The following FAM53C variants were observed in gnomAD, a reference collection of about 807,000 sequenced individuals.
FAM53C encodes family with sequence similarity 53 member C.
Under a neutral mutation model 34.7 loss-of-function variants are expected in FAM53C, and 10 were observed. That is an observed-to-expected ratio of 0.29 (90% confidence interval 0.18 to 0.49). FAM53C has a LOEUF of 0.49. FAM53C is among the 20% of genes least tolerant of loss of function. FAM53C has a pLI of 0.99. For missense variants in FAM53C, 442 were observed against 515.3 expected (o/e 0.86, Z 1.38); for synonymous variants, 203 against 203.6 (o/e 1.00, Z 0.03).
chr5:138,346,910 G>A lies in FAM53C; in HGVS notation c.1130G>A (p.Cys377Tyr), dbSNP rs778645299. Residue 377 changes from cysteine (C) to tyrosine (Y), a missense_variant, in exon 5 of 5, where the codon TGC becomes TAC. By Grantham distance (194) the Cys-to-Tyr change is radical. Transcript: ENST00000239906. ...GRQALSKRTLCQRDFGDLDLN... is the reference protein window; with the variant it reads ...GRQALSKRTLYQRDFGDLDLN... ...CAGGCGCTGAGCAAGCGGACACTGT[G>A]CCAGCGGGACTTTGGGGACCTGGAC... is the stretch of plus-strand genomic sequence containing the variant. 2.5e-6 allele frequency: 4 copies of A among 1,614,186 alleles called. No homozygotes were observed. Among genetic ancestry groups the A allele is most frequent in the Non-Finnish European group, 3.4e-6 (4 of 1,180,038 alleles).
intron 4 of FAM53C, among the ~76,000 whole-genome samples, chr5:138,346,377 G>A (rs1352320116): frequency 2.0e-5 from 3 of 152,242 alleles, no homozygotes; most frequent in African/African-American, 7.2e-5. Context: ...TGTAATCCCA[G>A]CACTTTGGGA....
intron 3 of FAM53C, chr5:138,343,821 G>A (rs1474573409): frequency 6.6e-6 from 1 of 152,218 alleles, no homozygotes; most frequent in African/African-American, 2.4e-5. Context: ...TGAAAGCCAG[G>A]TATTGTGTCA....
In FAM53C at chr5:138,345,612, G is replaced by A. The variant is rs1298181493; in HGVS notation, c.921+3G>A. On this transcript the variant is annotated splice_donor_region_variant and intron_variant, in intron 4 of 4. Coordinates refer to ENST00000239906, the MANE Select transcript of FAM53C (RefSeq NM_016605.3). The surrounding 1 kb of genome is among the most constrained non-coding windows in gnomAD (Gnocchi z 6.3). ...TGGACTTTGACAAGATGAATCAGGT[G>A]GGACCAGCAAGACTAGGGGAGCTTA... 6.2e-6 allele frequency: 10 copies of A among 1,608,382 alleles called. No homozygotes were observed. The highest frequency in any genetic ancestry group is 8.5e-6 in the Non-Finnish European group (10 of 1,176,870).
At chr5:138,343,973 C>T (rs1333332396) in intron 3 of FAM53C, among the ~76,000 whole-genome samples, 1 of 152,182 alleles carries the variant, frequency 6.6e-6, no homozygotes, top group Admixed American at 6.5e-5. Flanking sequence ...AATATCCAGC[C>T]CCTGCAGAAT....
At position 138,345,024 on chromosome 5, in the gene FAM53C, T is replaced by G; in HGVS notation, c.336T>G (p.Pro112=). The G allele has an allele frequency of 6.2e-7, 1 of 1,612,936 alleles. No homozygotes were observed. Among genetic ancestry groups the G allele is most frequent in the Non-Finnish European group, 8.5e-7 (1 of 1,179,570 alleles). ...AGAAGCTTCCTGTGCCCCCTGCCCC[T>G]CCATCCAAGAGGCACTGCCGCTCAC... ...DPEKLPVPPA[P]PSKRHCRSLS... is the part of the protein sequence containing the mutation. Residue 112 remains proline (P), a synonymous_variant, in exon 4 of 5, where the codon CCT becomes CCG. Transcript: ENST00000239906. This position sits in a 1 kb window ranked among gnomAD's most constrained non-coding sequence, Gnocchi z 6.3.
rs1172036558 is a variant in FAM53C at position 138,347,165 on chromosome 5, A to T, written c.*206A>T. On this transcript the variant is annotated 3_prime_UTR_variant, in exon 5 of 5. Transcript: ENST00000239906. ...CAAGATAAACGGAGCTGGTGGCGGGAGGGACAGCCCCAGAGCAGACCCTTC... is the reference window on the plus strand; with the variant it reads ...CAAGATAAACGGAGCTGGTGGCGGGTGGGACAGCCCCAGAGCAGACCCTTC... The T allele has an allele frequency of 1.4e-6, 1 of 696,004 alleles. No individual in the cohort carries two copies. The highest frequency in any genetic ancestry group is 1.8e-5 in the African/African-American group (1 of 55,614). The allele number at this position is 696,004 out of a possible 1,614,324, so 43.1% of individuals were successfully genotyped here. A position where few individuals can be genotyped will look rare whatever the true frequency, so the allele number is the denominator to read the frequency against.
In FAM53C at chr5:138,347,352, C is replaced by T. The variant is rs1193530710; in HGVS notation, c.*393C>T. The T allele has an allele frequency of 1.1e-5, 3 of 279,528 alleles. No homozygotes were observed. The highest frequency in any genetic ancestry group is 4.5e-5 in the African/African-American group (2 of 44,216). The allele number at this position is 279,528 out of a possible 1,614,324, so 17.3% of individuals were successfully genotyped here. ...CAGGGTGGGGGGTTGAGTCAGCCTC[C>T]TCAGAGAAACTGCGTGAGAGTGTGT... On this transcript the variant is annotated 3_prime_UTR_variant, in exon 5 of 5. Coordinates refer to ENST00000239906, the MANE Select transcript of FAM53C (RefSeq NM_016605.3).
intron 4 of FAM53C, among the ~76,000 whole-genome samples, chr5:138,346,275 C>G (rs559844707): frequency 1.3e-5 from 2 of 152,328 alleles, no homozygotes; most frequent in East Asian, 3.9e-4. Context: ...TGTTCCTGCC[C>G]TCACGGAGCT....
rs868436397 is a variant in FAM53C, at chr5:138,345,952, C to A, written c.921+343C>A. Reference sequence around the variant, plus strand: ...CTGCAAAAAATTCCATCAGTACCTACTCCTTGTGCCCAAAGCTGTTTTTGC... The same window carrying A: ...CTGCAAAAAATTCCATCAGTACCTAATCCTTGTGCCCAAAGCTGTTTTTGC... On this transcript the variant is annotated intron_variant, in intron 4 of 4. Transcript: ENST00000239906. This position sits in a 1 kb window ranked among gnomAD's most constrained non-coding sequence, Gnocchi z 6.3. 6.6e-6 allele frequency among the ~76,000 whole-genome samples: 1 copy of A among 152,246 alleles called. No individual in the cohort carries two copies. Among genetic ancestry groups the A allele is most frequent in the South Asian group, 2.1e-4 (1 of 4,836 alleles).
intron 3 of FAM53C, among the ~76,000 whole-genome samples, chr5:138,343,555 T>C (rs1271723403): frequency 6.6e-6 from 1 of 151,954 alleles, no homozygotes; most frequent in East Asian, 1.9e-4. Context: ...GTGAATAACC[T>C]TGTACATATG....
At chr5:138,340,723 G>T (rs1761011784) in intron 1 of FAM53C, among the ~76,000 whole-genome samples, 1 of 152,220 alleles carries the variant, frequency 6.6e-6, no homozygotes, top group African/African-American at 2.4e-5. Context: ...TATGTACTCA[G>T]GTCTAAAGCA....
At chr5:138,337,980 C>T (rs1288406901), upstream of FAM53C, 2 of 1,289,510 alleles carry the variant, frequency 1.6e-6, no homozygotes, top group Non-Finnish European at 2.0e-6. Flanking sequence ...GCCTCCCCCG[C>T]GGGTTTCAAG....
Position 138,345,399 on chromosome 5 carries a change from G to C in FAM53C, c.711G>C (p.Leu237=). The C allele has an allele frequency of 1.2e-6, 2 of 1,613,986 alleles. No homozygotes were observed. The highest frequency in any genetic ancestry group is 1.7e-6 in the Non-Finnish European group (2 of 1,180,040). ...PQRRFSLSPS[L]GPQASRFLPS... ...GCCGCTTCTCCCTGTCACCCAGTCT[G>C]GGCCCGCAGGCAAGCCGCTTCTTGC... Residue 237 remains leucine, a synonymous_variant, in exon 4 of 5, where the codon CTG becomes CTC. Transcript: ENST00000239906. This position sits in a 1 kb window ranked among gnomAD's most constrained non-coding sequence, Gnocchi z 6.3.
chr5:138,338,683 G>A (rs748133057), intron 1 of FAM53C, among the ~76,000 whole-genome samples: 18 of 150,900 alleles, frequency 1.2e-4, no homozygotes, highest in Non-Finnish European at 2.1e-4. Context: ...GATTGGAGGG[G>A]CCTAGCCTTT....
In FAM53C at chr5:138,345,010, G is replaced by C. The variant is rs148624528; in HGVS notation, c.322G>C (p.Val108Leu). The C allele has an allele frequency of 1.3e-4, 215 of 1,613,688 alleles. 1 individual carries two copies. In the African/African-American group the frequency reaches 2.6e-3, roughly 20 times the overall value. The change falls in exon 4 of 5, where the codon GTG becomes CTG. Residue 108 changes from valine to leucine, a missense_variant. Coordinates refer to ENST00000239906, the MANE Select transcript of FAM53C (RefSeq NM_016605.3). This position sits in a 1 kb window ranked among gnomAD's most constrained non-coding sequence, Gnocchi z 6.3. ...GCCCCCAGATCCAGAGAAGCTTCCTGTGCCCCCTGCCCCTCCATCCAAGAG... is the reference window on the plus strand; with the variant it reads ...GCCCCCAGATCCAGAGAAGCTTCCTCTGCCCCCTGCCCCTCCATCCAAGAG... ...PEPPDPEKLP[V>L]PPAPPSKRHC...
chr5:138,341,615 G>A (rs539262973), intron 2 of FAM53C, 194 bp from the exon 3 acceptor site: 3 of 726,464 alleles, frequency 4.1e-6, no homozygotes, highest in African/African-American at 3.5e-5. Flanking sequence ...CAAAACTTGG[G>A]TGGAGAAGGG....
In FAM53C at chr5:138,341,228, A is replaced by G. The variant is rs1404192622; in HGVS notation, c.-108A>G. 2 of 899,690 alleles carry G rather than the reference A, an allele frequency of 2.2e-6. No individual in the cohort carries two copies. Among genetic ancestry groups the G allele is most frequent in the Admixed American group, 3.4e-5 (2 of 58,834 alleles). 55.7% of individuals were successfully genotyped at this position (899,690 alleles called of 1,614,324 possible). Reference sequence around the variant, plus strand: ...AGAGGGAAGTCCCAATGGTGCTAGAATGGTGCTGCAGTGGCAGAAGACGGC... The same window carrying G: ...AGAGGGAAGTCCCAATGGTGCTAGAGTGGTGCTGCAGTGGCAGAAGACGGC... On this transcript the variant is annotated 5_prime_UTR_variant, in exon 2 of 5. The change abolishes an upstream ATG in the 5' untranslated region. Transcript: ENST00000239906.
intron 3 of FAM53C, among the ~76,000 whole-genome samples, 188 bp from the exon 4 acceptor site, chr5:138,344,637 A>G (rs1394424721): frequency 2.0e-5 from 3 of 152,184 alleles, no homozygotes; most frequent in Admixed American, 1.3e-4. Context: ...TTTGAGTGCT[A>G]TGTGATTTTG....
Position 138,345,713 on chromosome 5 carries a change from C to A in FAM53C, c.921+104C>A. 1.5e-6 allele frequency: 2 copies of A among 1,311,236 alleles called. No homozygotes were observed. The highest frequency in any genetic ancestry group is 2.1e-6 in the Non-Finnish European group (2 of 953,106). 81.2% of individuals were successfully genotyped at this position (1,311,236 alleles called of 1,614,324 possible). On this transcript the variant is annotated intron_variant, in intron 4 of 4. Transcript: ENST00000239906. The surrounding 1 kb of genome is among the most constrained non-coding windows in gnomAD (Gnocchi z 6.3). ...TTCATTACCCTGCCGCCCCCACCAC[C>A]AACAGCACCTCCTTTAGCTCTTAGC...
Sources: allele counts gnomAD v4.1 joint callset (sites outside exome capture counted in the v4.1 genomes callset), GRCh38; gene constraint gnomAD v4.1.1; non-coding constraint Gnocchi (gnomAD v3.1); transcripts MANE v1.5; gene names NCBI Gene and HGNC (gene_info 2026-07-23, HGNC 2026-07-21).